ACVR1C: variants seen among roughly 807,000 people sequenced by gnomAD.
ACVR1C encodes the protein activin receptor type-1C.
Under a neutral mutation model 57.9 loss-of-function variants are expected in ACVR1C, and 23 were observed. That is an observed-to-expected ratio of 0.40 (90% CI 0.29 to 0.56). The LOEUF (loss-of-function observed/expected upper bound fraction) is 0.56. ACVR1C is among the 20% of genes least tolerant of loss of function. ACVR1C has a pLI of 0.50. For missense variants in ACVR1C, 480 were observed against 607.9 expected, an observed-to-expected ratio of 0.79 and a Z score of 2.21; for synonymous variants, 214 against 215.3, an observed-to-expected ratio of 0.99 and a Z score of 0.05.
At chr2:157,608,122 G>C (rs1421367715) in intron 1 of ACVR1C, among the ~76,000 whole-genome samples, 1 of 151,706 alleles carries the variant, frequency 6.6e-6, no homozygotes, top group Non-Finnish European at 1.5e-5. Flanking sequence ...ATGTTGGTTT[G>C]TCACATATTA....
intron 1 of ACVR1C, among the ~76,000 whole-genome samples, chr2:157,618,034 C>T (rs959496871): frequency 2.0e-5 from 3 of 151,708 alleles, no homozygotes; most frequent in African/African-American, 7.2e-5. Flanking sequence ...CAGATATAAA[C>T]TTTGATTTAT....
chr2:157,600,362 AC>A (rs1315275027), intron 1 of ACVR1C, among the ~76,000 whole-genome samples: 1 of 152,254 alleles, frequency 6.6e-6, no homozygotes, highest in Non-Finnish European at 1.5e-5. Context: ...CAAAAAATTA[AC>A]GACAAAAAAC....
intron 8 of ACVR1C, among the ~76,000 whole-genome samples, chr2:157,536,680 C>T (rs1687494522): frequency 2.6e-5 from 4 of 152,046 alleles, no homozygotes; most frequent in Non-Finnish European, 5.9e-5. Context: ...GGATTCACAT[C>T]AGGAAGTCAG....
chr2:157,554,264 A>G lies in ACVR1C; in HGVS notation c.544+1829T>C, dbSNP rs7557208. Among the ~76,000 whole-genome samples the G allele has an allele frequency of 5.6e-4, 71 of 127,464 alleles. 1 individual carries two copies. The highest frequency in any genetic ancestry group is 2.3e-3 in the African/African-American group (55 of 24,090). 83.6% of individuals were successfully genotyped at this position (127,464 alleles called of 152,430 possible). On this transcript the variant is annotated intron_variant, in intron 3 of 8. Transcript: ENST00000243349. ...GAAAGAAAGAAAGAAAGAAAGAAAGAAAGAAAGGAAGGAAGGAAGAGAGAG... is the reference window on the plus strand; with the variant it reads ...GAAAGAAAGAAAGAAAGAAAGAAAGGAAGAAAGGAAGGAAGGAAGAGAGAG...
chr2:157,615,069 C>T lies in ACVR1C; in HGVS notation c.73+13503G>A, dbSNP rs140812472. Among the ~76,000 whole-genome samples the T allele has an allele frequency of 4.2e-3, 634 of 152,090 alleles. 5 individuals carry two copies. The highest frequency in any genetic ancestry group is 0.014 in the African/African-American group (601 of 41,518). ...GTTTTCCATTCATTGTTTTTGGTCC[C>T]TTGGATATTTTACCCTCATGCTTTT... On this transcript the variant is annotated intron_variant, in intron 1 of 8. Transcript: ENST00000243349.
intron 1 of ACVR1C, among the ~76,000 whole-genome samples, chr2:157,621,976 C>T (rs1353070830): frequency 1.3e-5 from 2 of 152,162 alleles, no homozygotes; most frequent in Admixed American, 1.3e-4. Context: ...TGCCTTGTTT[C>T]ACCTCCTTTT....
chr2:157,612,291 G>C (rs1460800996), intron 1 of ACVR1C, among the ~76,000 whole-genome samples: 1 of 152,190 alleles, frequency 6.6e-6, no homozygotes, highest in Non-Finnish European at 1.5e-5. Flanking sequence ...GCTACATTGA[G>C]AGTGGGGGCT....
chr2:157,621,685 G>A (rs968071086), intron 1 of ACVR1C, among the ~76,000 whole-genome samples: 4 of 152,016 alleles, frequency 2.6e-5, no homozygotes, highest in Non-Finnish European at 5.9e-5. Flanking sequence ...CCTAGCAGTC[G>A]CCCCTGAAAT....
intron 2 of ACVR1C, among the ~76,000 whole-genome samples, chr2:157,583,075 G>T (rs1688829460): frequency 6.6e-6 from 1 of 151,940 alleles, no homozygotes; most frequent in Non-Finnish European, 1.5e-5. Context: ...TGGCCAGGCT[G>T]GTCTCATACT....
At chr2:157,536,508 C>T (rs7568889) in intron 8 of ACVR1C, among the ~76,000 whole-genome samples, 137,785 of 152,212 alleles carry the variant, frequency 0.91, 62,558 homozygotes, top group African/African-American at 0.96. Flanking sequence ...ATAATAACTT[C>T]AAGGTGTTTA....
intron 2 of ACVR1C, among the ~76,000 whole-genome samples, chr2:157,562,435 A>G (rs890013929): frequency 1.4e-5 from 2 of 146,114 alleles, no homozygotes; most frequent in Non-Finnish European, 3.0e-5. Context: ...AAATTGAGGC[A>G]GTAATACACA....
intron 1 of ACVR1C, among the ~76,000 whole-genome samples, chr2:157,628,189 G>T (rs886761638): frequency 2.0e-5 from 3 of 152,100 alleles, no homozygotes; most frequent in African/African-American, 7.2e-5. Context: ...ACGCATACCT[G>T]CAGCCCTCCA....
rs1399766602 is a variant in ACVR1C, at chr2:157,616,293, TA to T, written c.73+12278del. Among the ~76,000 whole-genome samples, 5 of 152,194 alleles carry T rather than the reference TA, an allele frequency of 3.3e-5. No individual in the cohort carries two copies. The East Asian group carries it at 5.8e-4, about 18-fold the overall frequency. On this transcript the variant is annotated intron_variant, in intron 1 of 8. Coordinates refer to ENST00000243349, the MANE Select transcript of ACVR1C (RefSeq NM_145259.3). ...AAGTACACTATTATAAGGTAATTTCTAGTGATACATCTTCAAATTTATGATT... is the reference window on the plus strand; with the variant it reads ...AAGTACACTATTATAAGGTAATTTCTGTGATACATCTTCAAATTTATGATT...
rs766449861 is a variant in ACVR1C at position 157,538,669 on chromosome 2, G to A, written c.1260C>T (p.Asp420=). The change falls in exon 8 of 9, where the codon GAC becomes GAT. Residue 420 remains aspartate (D), a synonymous_variant. Coordinates refer to ENST00000243349, the MANE Select transcript of ACVR1C (RefSeq NM_145259.3). ...IVEEYQLPYY[D]MVPSDPSIEE... ...CTATCGAGGGATCTGAAGGCACCAT[G>A]TCATAATAAGGCAATTGGTACTCCT... 9 of 1,563,630 alleles carry A rather than the reference G, an allele frequency of 5.8e-6. No individual in the cohort carries two copies. Among genetic ancestry groups the A allele is most frequent in the Non-Finnish European group, 7.8e-6 (9 of 1,156,668 alleles).
chr2:157,628,244 C>G (rs1682947696), intron 1 of ACVR1C, among the ~76,000 whole-genome samples: 1 of 152,134 alleles, frequency 6.6e-6, no homozygotes, highest in South Asian at 2.1e-4. Context: ...CGCGCACCCA[C>G]AAACGCTCTC....
At chr2:157,557,618 T>C (rs1688135635) in intron 2 of ACVR1C, among the ~76,000 whole-genome samples, 1 of 152,172 alleles carries the variant, frequency 6.6e-6, no homozygotes, top group South Asian at 2.1e-4. Flanking sequence ...CAATGATGCC[T>C]GACACATAGT....
chr2:157,536,873 C>T (rs919129664), intron 8 of ACVR1C, among the ~76,000 whole-genome samples: 2 of 152,140 alleles, frequency 1.3e-5, no homozygotes, highest in Non-Finnish European at 2.9e-5. Flanking sequence ...ATTGTTCACA[C>T]TAGAATGACT....
At chr2:157,607,280 G>A (rs1379369061) in intron 1 of ACVR1C, among the ~76,000 whole-genome samples, 2 of 151,632 alleles carry the variant, frequency 1.3e-5, no homozygotes, top group Non-Finnish European at 3.0e-5. Flanking sequence ...GCTTAGAATT[G>A]TTTTGGTTAT....
At position 157,576,896 on chromosome 2, in the gene ACVR1C, G is replaced by A. The variant is rs1191142200; in HGVS notation, c.304+10291C>T. 1.1e-4 allele frequency among the ~76,000 whole-genome samples: 4 copies of A among 35,040 alleles called. 1 individual carries two copies. Among genetic ancestry groups the A allele is most frequent in the Admixed American group, 3.4e-4 (1 of 2,926 alleles). 23.0% of individuals were successfully genotyped at this position (35,040 alleles called of 152,430 possible). On this transcript the variant is annotated intron_variant, in intron 2 of 8. Coordinates refer to ENST00000243349, the MANE Select transcript of ACVR1C (RefSeq NM_145259.3). ...GGAGTCTCGCTCTGTCGCCCAGGCC[G>A]GACTGCGGACTGCAGTGGCACAATC...
Sources: gnomAD v4.1 joint callset for allele counts (sites outside exome capture counted in the v4.1 genomes callset) on GRCh38, gnomAD v4.1.1 for gene constraint, MANE v1.5 for transcripts, NCBI Gene and HGNC (gene_info 2026-07-23, HGNC 2026-07-21) for gene names.